Variants in ZFYVE9 observed in about 807,000 individuals in gnomAD.
ZFYVE9 encodes zinc finger FYVE domain-containing protein 9.
Under a neutral mutation model 126.7 loss-of-function variants are expected in ZFYVE9, and 43 were observed. That is an observed-to-expected ratio of 0.34 (90% CI 0.27 to 0.44). The LOEUF (loss-of-function observed/expected upper bound fraction) is 0.44, where lower values mean the gene tolerates loss of function less well. ZFYVE9 is among the 20% of genes least tolerant of loss of function. ZFYVE9 has a pLI of 1.00. For missense variants in ZFYVE9, 1,476 were observed against 1,697.0 expected (o/e 0.87, Z 2.29); for synonymous variants, 521 against 597.4 (o/e 0.87, Z 1.87).
chr1:52,185,965 G>A (rs1644761525), intron 1 of ZFYVE9, among the ~76,000 whole-genome samples: 1 of 151,072 alleles, frequency 6.6e-6, no homozygotes, highest in Non-Finnish European at 1.5e-5. Context: ...TCCTGGTTGG[G>A]TGCAGTGGCT....
chr1:52,183,693 A>G (rs1644736020), intron 1 of ZFYVE9, among the ~76,000 whole-genome samples: 1 of 152,074 alleles, frequency 6.6e-6, no homozygotes, highest in Admixed American at 6.6e-5. Flanking sequence ...TTTAGTAGAG[A>G]CAGGATTTCA....
intron 1 of ZFYVE9, among the ~76,000 whole-genome samples, chr1:52,146,111 A>G (rs1644304873): frequency 6.6e-6 from 1 of 152,010 alleles, no homozygotes; most frequent in African/African-American, 2.4e-5. Context: ...ATACAGTATA[A>G]CAGTTGATTT....
chr1:52,264,954 TCTG>T (rs1398348244), intron 5 of ZFYVE9, among the ~76,000 whole-genome samples: 1 of 152,248 alleles, frequency 6.6e-6, no homozygotes, highest in African/African-American at 2.4e-5. Flanking sequence ...TGATTTTTAT[TCTG>T]CTGCTTTCAT....
chr1:52,160,292 C>T, intron 1 of ZFYVE9: 1 of 1,014,884 alleles, frequency 9.9e-7, no homozygotes, highest in Non-Finnish European at 1.6e-6. Flanking sequence ...AATGCTCTTT[C>T]CAGAATGCAT....
At position 52,303,854 on chromosome 1, in the gene ZFYVE9, G is replaced by A. The variant is rs143012855; in HGVS notation, c.3367G>A (p.Val1123Ile). 102 of 1,598,082 alleles carry A rather than the reference G, an allele frequency of 6.4e-5. No individual in the cohort carries two copies. The African/African-American group carries it at 1.1e-3, about 17-fold the overall frequency. Residue 1123 changes from valine (V) to isoleucine (I), a missense_variant, in exon 13 of 19, where the codon GTT becomes ATT. By Grantham distance (29) the Val-to-Ile change is conservative (BLOSUM62 3). Transcript: ENST00000287727. Reference sequence around the variant, plus strand: ...AAATTACCAGTATACCTTGCCAGTAGTTCAAGGTTTGGTGGTTGATATGGA... The same window carrying A: ...AAATTACCAGTATACCTTGCCAGTAATTCAAGGTTTGGTGGTTGATATGGA... ...FRNYQYTLPV[V>I]QGLVVDMEVR...
chr1:52,205,695 A>G (rs1644972212), intron 1 of ZFYVE9, among the ~76,000 whole-genome samples: 1 of 152,158 alleles, frequency 6.6e-6, no homozygotes, highest in Non-Finnish European at 1.5e-5. Context: ...TATGCATCTA[A>G]GAAGAGTTGT....
At chr1:52,324,271 A>AG (rs1646270014) in intron 13 of ZFYVE9, among the ~76,000 whole-genome samples, 2 of 151,024 alleles carry the variant, frequency 1.3e-5, no homozygotes, top group African/African-American at 2.4e-5. Flanking sequence ...ACACACACAC[A>AG]CAAAAACAAA....
chr1:52,289,162 G>C (rs532189443), intron 10 of ZFYVE9, among the ~76,000 whole-genome samples: 1 of 152,220 alleles, frequency 6.6e-6, no homozygotes, highest in Admixed American at 6.5e-5. Context: ...ATGGAAAATT[G>C]TAAATTACTG....
chr1:52,253,135 CAG>C (rs1248069546), intron 4 of ZFYVE9, among the ~76,000 whole-genome samples: 1 of 152,150 alleles, frequency 6.6e-6, no homozygotes, highest in Non-Finnish European at 1.5e-5. Flanking sequence ...GCCTGGGTGA[CAG>C]AGTGAGACCC....
intron 4 of ZFYVE9, among the ~76,000 whole-genome samples, chr1:52,247,212 G>A (rs1292434238): frequency 6.6e-6 from 1 of 152,138 alleles, no homozygotes; most frequent in Non-Finnish European, 1.5e-5. Context: ...AGTACCAAAT[G>A]TTATTAACAG....
At chr1:52,292,518 CTGGAGCGCAG>C (rs1645932280) in intron 10 of ZFYVE9, among the ~76,000 whole-genome samples, 1 of 137,314 alleles carries the variant, frequency 7.3e-6, no homozygotes, top group Admixed American at 7.8e-5. Context: ...ATCGCCTAGG[CTGGAGCGCAG>C]TGGCACAATC....
chr1:52,322,700 T>C (rs1227658548), intron 13 of ZFYVE9, among the ~76,000 whole-genome samples: 3 of 151,664 alleles, frequency 2.0e-5, no homozygotes, highest in Admixed American at 2.0e-4. Context: ...CTAAGTCATA[T>C]CATATCACTC....
chr1:52,227,401 T>C (rs1053797304), intron 2 of ZFYVE9, among the ~76,000 whole-genome samples: 1 of 152,172 alleles, frequency 6.6e-6, no homozygotes, highest in Non-Finnish European at 1.5e-5. Flanking sequence ...GCAAAAACTA[T>C]CAGTTATCCA....
Position 52,273,837 on chromosome 1 carries a change from AAT to A in ZFYVE9, c.2626-626_2626-625del, listed in dbSNP as rs1254797999. Among the ~76,000 whole-genome samples the A allele has an allele frequency of 8.8e-3, 1,327 of 150,372 alleles. 30 individuals carry two copies. In the East Asian group the frequency reaches 0.1, roughly 12 times the overall value. The stretch of plus-strand genomic sequence containing the variant: ...CCTTCTCAAAAAAAAAAAAAAAAAA[AAT>A]GAACTTCAAGATTTATTTTATTACA... On this transcript the variant is annotated intron_variant, in intron 7 of 18. Transcript: ENST00000287727.
At chr1:52,308,111 C>T (rs1378948514) in intron 13 of ZFYVE9, among the ~76,000 whole-genome samples, 2 of 152,192 alleles carry the variant, frequency 1.3e-5, no homozygotes, top group Non-Finnish European at 2.9e-5. Context: ...TTATCTCCTA[C>T]AATCTCATAC....
intron 17 of ZFYVE9, among the ~76,000 whole-genome samples, chr1:52,343,503 C>T (rs572648035): frequency 2.0e-5 from 3 of 150,872 alleles, no homozygotes; most frequent in South Asian, 4.2e-4. Flanking sequence ...CACCTGTAAT[C>T]GTAGCACTTT....
chr1:52,230,990 G>A (rs1022090786), intron 2 of ZFYVE9, among the ~76,000 whole-genome samples: 1 of 152,148 alleles, frequency 6.6e-6, no homozygotes, highest in Admixed American at 6.5e-5. Context: ...AGTAGATGCA[G>A]TAGGTAAATA....
At chr1:52,312,774 T>A (rs1646150081) in intron 13 of ZFYVE9, among the ~76,000 whole-genome samples, 1 of 152,188 alleles carries the variant, frequency 6.6e-6, no homozygotes, top group African/African-American at 2.4e-5. Context: ...TCAAATATAA[T>A]TTATTATCTT....
intron 12 of ZFYVE9, among the ~76,000 whole-genome samples, chr1:52,299,225 T>G (rs932598093): frequency 6.6e-6 from 1 of 152,240 alleles, no homozygotes; most frequent in African/African-American, 2.4e-5. Context: ...CTTTATTTTT[T>G]ATTAGCGTAT....
Sources: allele counts gnomAD v4.1 joint callset (sites outside exome capture counted in the v4.1 genomes callset), GRCh38; gene constraint gnomAD v4.1.1; transcripts MANE v1.5; gene names NCBI Gene and HGNC (gene_info 2026-07-23, HGNC 2026-07-21).